The following SETBP1 variants were observed in gnomAD, a reference collection of about 807,000 sequenced individuals.
The protein encoded by SETBP1 is SET binding protein 1, also known as SET-binding protein.
Under a neutral mutation model 101.0 loss-of-function variants are expected in SETBP1, and 9 were observed. The observed-to-expected ratio is 0.09, with a 90% confidence interval of 0.05 to 0.16. The LOEUF is 0.16. Ranked by LOEUF, SETBP1 falls within the 10% of genes least tolerant of loss-of-function variation. The pLI is 1.00. For synonymous variants in SETBP1, 818 were observed against 788.5 expected (o/e 1.04, Z -0.63); for missense variants, 1,858 against 2,033.8 (o/e 0.91, Z 1.66).
At chr18:44,721,306 G>C (rs2069589531) in intron 2 of SETBP1, among the ~76,000 whole-genome samples, 1 of 152,168 alleles carries the variant, frequency 6.6e-6, no homozygotes, top group African/African-American at 2.4e-5. Flanking sequence ...CCTCTGTCTT[G>C]GAGTTTTGTT....
Position 45,016,936 on chromosome 18 carries a change from C to T in SETBP1, c.4001-21549C>T, listed in dbSNP as rs1034945118. On this transcript the variant is annotated intron_variant, in intron 4 of 5. Transcript: ENST00000649279. ...GGAAGGACTCCTCCGTCTCCTTTCA[C>T]GGCTGCGTGGAAGTGTCATCTTTTA... Among the ~76,000 whole-genome samples, 5 of 152,120 alleles carry T rather than the reference C, an allele frequency of 3.3e-5. No homozygotes were observed. The South Asian group carries it at 6.2e-4, about 19-fold the overall frequency.
Position 44,701,507 on chromosome 18 carries a change from G to C in SETBP1, c.161G>C (p.Arg54Pro), listed in dbSNP as rs140717709. Residue 54 changes from arginine to proline, a missense_variant, in exon 2 of 6, where the codon CGC (arginine) becomes CCC (proline). Around this residue, in one of 12 missense-constraint regions of SETBP1, gnomAD observed 97 missense variants for 101.2 expected, o/e 0.96. Transcript: ENST00000649279. ...PGKGIPVGGE[R>P]MEPEEEDELG... ...AAGGGGATCCCGGTGGGCGGAGAGC[G>C]CATGGAGCCAGAGGAGGAGGATGAA... is the stretch of plus-strand genomic sequence containing the variant. The C allele has an allele frequency of 6.2e-7, 1 of 1,613,908 alleles. No individual in the cohort carries two copies. The highest frequency in any genetic ancestry group is 8.5e-7 in the Non-Finnish European group (1 of 1,179,872).
intron 3 of SETBP1, among the ~76,000 whole-genome samples, chr18:44,909,709 C>G (rs1216616028): frequency 6.6e-6 from 1 of 152,164 alleles, no homozygotes; most frequent in African/African-American, 2.4e-5. Flanking sequence ...TTATTATTAT[C>G]CTGATTCTAC....
chr18:45,011,489 G>T (rs1415943749), intron 4 of SETBP1, among the ~76,000 whole-genome samples: 3 of 152,194 alleles, frequency 2.0e-5, no homozygotes, highest in Non-Finnish European at 2.9e-5. Context: ...TCACCATGCT[G>T]CTTCCTTCAT....
At position 44,950,465 on chromosome 18, in the gene SETBP1, T is replaced by C. The variant is rs1308385846; in HGVS notation, c.1125T>C (p.Asp375=). 25 of 1,614,014 alleles carry C rather than the reference T, an allele frequency of 1.5e-5. No individual in the cohort carries two copies. The highest frequency in any genetic ancestry group is 2.7e-5 in the African/African-American group (2 of 74,936). ...GGAAAAGGGAAGGTTATTCCGCAGA[T>C]AGTGCCCAAGAGGCATCACCAGCCA... ...TEGKREGYSA[D]SAQEASPARQ... The change falls in exon 4 of 6, where the codon GAT becomes GAC. Residue 375 remains aspartate (D), a synonymous_variant. Coordinates refer to ENST00000649279, the MANE Select transcript of SETBP1 (RefSeq NM_015559.3).
At chr18:44,726,434 A>G (rs1168243896) in intron 2 of SETBP1, among the ~76,000 whole-genome samples, 1 of 152,036 alleles carries the variant, frequency 6.6e-6, no homozygotes, top group Non-Finnish European at 1.5e-5. Flanking sequence ...CCTCCCCAAA[A>G]CTCTTAAGAG....
intron 2 of SETBP1, among the ~76,000 whole-genome samples, chr18:44,866,894 T>A (rs578232979): frequency 3.3e-4 from 51 of 152,384 alleles, no homozygotes; most frequent in African/African-American, 1.2e-3. Flanking sequence ...CCAGGATACA[T>A]GCTTTATGTT....
At chr18:44,911,315 A>C (rs1347061800) in intron 3 of SETBP1, among the ~76,000 whole-genome samples, 1 of 152,206 alleles carries the variant, frequency 6.6e-6, no homozygotes, top group African/African-American at 2.4e-5. Flanking sequence ...GTTGGTGCAA[A>C]TGTAATTGTG....
chr18:44,968,083 T>A (rs1786543955), intron 4 of SETBP1, among the ~76,000 whole-genome samples: 1 of 152,214 alleles, frequency 6.6e-6, no homozygotes, highest in Non-Finnish European at 1.5e-5. Context: ...GACAGTTCAT[T>A]TTTAGACTAG....
chr18:44,883,341 A>G (rs2069573124), intron 3 of SETBP1, among the ~76,000 whole-genome samples: 1 of 152,224 alleles, frequency 6.6e-6, no homozygotes, highest in African/African-American at 2.4e-5. Context: ...TAGCTCAGCC[A>G]TGAACATAAA....
chr18:44,925,429 G>T lies in SETBP1; in HGVS notation c.541-24452G>T, dbSNP rs201588859. On this transcript the variant is annotated intron_variant, in intron 3 of 5. Coordinates refer to ENST00000649279, the MANE Select transcript of SETBP1 (RefSeq NM_015559.3). ...AGGCTACTTTTATGATGGGAGAAATGACTATTTTTATAGCACACTAAATAA... is the reference window on the plus strand; with the variant it reads ...AGGCTACTTTTATGATGGGAGAAATTACTATTTTTATAGCACACTAAATAA... Among the ~76,000 whole-genome samples, 8 of 152,160 alleles carry T rather than the reference G, an allele frequency of 5.3e-5. 1 individual carries two copies. The East Asian group carries it at 1.5e-3, about 29-fold the overall frequency.
intron 4 of SETBP1, among the ~76,000 whole-genome samples, chr18:45,028,377 A>C (rs2073216205): frequency 6.6e-6 from 1 of 152,004 alleles, no homozygotes; most frequent in Non-Finnish European, 1.5e-5. Flanking sequence ...TCCATGGTGT[A>C]TATGTGCCAC....
intron 2 of SETBP1, among the ~76,000 whole-genome samples, chr18:44,789,036 C>G (rs1488731542): frequency 1.3e-5 from 2 of 151,978 alleles, no homozygotes; most frequent in East Asian, 3.9e-4. Context: ...TCCCTGGGCT[C>G]AAGTAATTCA....
At chr18:44,712,854 A>T (rs2069374354) in intron 2 of SETBP1, among the ~76,000 whole-genome samples, 1 of 152,138 alleles carries the variant, frequency 6.6e-6, no homozygotes. Context: ...GCTCTGTGTC[A>T]AAAGAAAGTC....
intron 4 of SETBP1, among the ~76,000 whole-genome samples, chr18:44,984,074 G>T (rs1243032427): frequency 6.6e-6 from 1 of 152,132 alleles, no homozygotes; most frequent in Non-Finnish European, 1.5e-5. Flanking sequence ...GGTTGCATGA[G>T]CCTGTAATCC....
chr18:44,998,878 G>A (rs2072556887), intron 4 of SETBP1, among the ~76,000 whole-genome samples: 2 of 152,216 alleles, frequency 1.3e-5, no homozygotes, highest in Admixed American at 1.3e-4. Flanking sequence ...ATTTTGACAT[G>A]TCAGGTTTGA....
rs1371508771 is a variant in SETBP1 at position 44,739,378 on chromosome 18, C to T, written c.486+37546C>T. ...GGATTAATAAAACATTAACAAACAA[C>T]TTTACCTTGCCTTTATCTCCTTGAT... On this transcript the variant is annotated intron_variant, in intron 2 of 5. Transcript: ENST00000649279. Among the ~76,000 whole-genome samples, 4 of 152,126 alleles carry T rather than the reference C, an allele frequency of 2.6e-5. No individual in the cohort carries two copies. The East Asian group carries it at 7.7e-4, about 29-fold the overall frequency.
At chr18:44,955,233 G>A (rs1464722152) in intron 4 of SETBP1, among the ~76,000 whole-genome samples, 1 of 152,108 alleles carries the variant, frequency 6.6e-6, no homozygotes, top group Non-Finnish European at 1.5e-5. Flanking sequence ...CTTTTCATGT[G>A]CTTGCATTTA....
intron 3 of SETBP1, among the ~76,000 whole-genome samples, chr18:44,918,240 C>T (rs78369516): frequency 6.6e-6 from 1 of 152,316 alleles, no homozygotes; most frequent in Non-Finnish European, 1.5e-5. Context: ...GGTCACAATG[C>T]TCTGGTTATA....
Sources: gnomAD v4.1 joint callset for allele counts (sites outside exome capture counted in the v4.1 genomes callset) on GRCh38, gnomAD v4.1.1 for gene constraint, gnomAD v4.1.1 regional missense constraint, MANE v1.5 for transcripts, NCBI Gene and HGNC (gene_info 2026-07-23, HGNC 2026-07-21) for gene names.